The following MAGI1 variants were observed in gnomAD, a reference collection of about 807,000 sequenced individuals.
The protein encoded by MAGI1 is membrane associated guanylate kinase, WW and PDZ domain containing 1.
MAGI1 carries 58 observed loss-of-function variants against 139.9 expected under a neutral mutation model. The observed-to-expected ratio is 0.41, with a 90% confidence interval of 0.34 to 0.52. The LOEUF (loss-of-function observed/expected upper bound fraction) is 0.52. MAGI1 is among the 20% of genes least tolerant of loss of function. MAGI1 has a pLI of 0.12. For missense variants in MAGI1, 1,874 were observed against 1,901.6 expected (o/e 0.99, Z 0.27); for synonymous variants, 812 against 737.9 (o/e 1.10, Z -1.63).
chr3:65,404,964 A>G (rs1575628799), intron 12 of MAGI1, among the ~76,000 whole-genome samples: 1 of 152,314 alleles, frequency 6.6e-6, no homozygotes, highest in Admixed American at 6.5e-5. Context: ...TATAAGGCAT[A>G]CATATAAGGC....
In MAGI1 at chr3:65,709,860, A is replaced by G. The variant is rs1203288309; in HGVS notation, c.314-87772T>C. ...AACTAGCCTCTACATTAATTGAAAC[A>G]TAAACCATAACTGGTGTAAATCAAA... On this transcript the variant is annotated intron_variant, in intron 1 of 22. Coordinates refer to ENST00000402939, the MANE Select transcript of MAGI1 (RefSeq NM_001033057.2). Among the ~76,000 whole-genome samples the G allele has an allele frequency of 2.6e-5, 4 of 152,380 alleles. No individual in the cohort carries two copies. The East Asian group carries it at 7.7e-4, about 29-fold the overall frequency.
chr3:65,681,641 T>G (rs569775192), intron 1 of MAGI1, among the ~76,000 whole-genome samples: 1 of 152,344 alleles, frequency 6.6e-6, no homozygotes, highest in East Asian at 1.9e-4. Flanking sequence ...CTATTTATGT[T>G]CAAGTTTACT....
intron 1 of MAGI1, among the ~76,000 whole-genome samples, chr3:65,964,730 C>T (rs75056484): frequency 6.6e-6 from 1 of 152,152 alleles, no homozygotes; most frequent in Non-Finnish European, 1.5e-5. Flanking sequence ...ACACCTTTGT[C>T]TCCCTGACCA....
At chr3:65,868,633 C>T (rs982378325) in intron 1 of MAGI1, among the ~76,000 whole-genome samples, 2 of 152,110 alleles carry the variant, frequency 1.3e-5, no homozygotes, top group East Asian at 1.9e-4. Flanking sequence ...GGAAATCTGT[C>T]GGCATTATTC....
At chr3:65,496,907 G>T (rs1227190026) in intron 2 of MAGI1, among the ~76,000 whole-genome samples, 1 of 152,174 alleles carries the variant, frequency 6.6e-6, no homozygotes, top group East Asian at 1.9e-4. Flanking sequence ...TGATGGATTG[G>T]ATGTTGTATG....
intron 1 of MAGI1, among the ~76,000 whole-genome samples, chr3:65,855,257 C>T (rs1164292259): frequency 6.6e-6 from 1 of 151,548 alleles, no homozygotes; most frequent in South Asian, 2.1e-4. Context: ...CTTTGAGATC[C>T]GCAGAAAGAG....
chr3:65,818,466 C>T (rs909637782), intron 1 of MAGI1, among the ~76,000 whole-genome samples: 3 of 152,076 alleles, frequency 2.0e-5, no homozygotes, highest in Admixed American at 6.6e-5. Context: ...CCAACCCAGA[C>T]GTGGGAGAAA....
intron 1 of MAGI1, among the ~76,000 whole-genome samples, chr3:65,816,047 G>A (rs1040090963): frequency 3.3e-5 from 5 of 152,146 alleles, no homozygotes; most frequent in African/African-American, 1.2e-4. Context: ...TGTGAAAGTT[G>A]GCAGCTGATT....
chr3:65,714,164 C>T (rs75086609), intron 1 of MAGI1, among the ~76,000 whole-genome samples: 25 of 152,246 alleles, frequency 1.6e-4, no homozygotes, highest in Non-Finnish European at 3.1e-4. Flanking sequence ...CATACACAGA[C>T]GTTCCGTAAC....
intron 1 of MAGI1, among the ~76,000 whole-genome samples, chr3:65,907,063 A>G (rs1437351315): frequency 6.6e-6 from 1 of 152,072 alleles, no homozygotes; most frequent in African/African-American, 2.4e-5. Flanking sequence ...TACAAAAAAA[A>G]AAAAACACTC....
rs1009128554 is a variant in MAGI1, at chr3:65,430,634, C to T, written c.1546+65G>A. The T allele has an allele frequency of 2.1e-5, 32 of 1,527,490 alleles. No homozygotes were observed. In the South Asian group the frequency reaches 3.0e-4, roughly 14 times the overall value. The allele number at this position is 1,527,490 out of a possible 1,614,324, so 94.6% of individuals were successfully genotyped here. On this transcript the variant is annotated intron_variant, in intron 11 of 22. Coordinates refer to ENST00000402939, the MANE Select transcript of MAGI1 (RefSeq NM_001033057.2). ...GCTCAAACAAACAACATCATGATTGCACATGTTTATCTCCTGGATTGGAGT... is the reference window on the plus strand; with the variant it reads ...GCTCAAACAAACAACATCATGATTGTACATGTTTATCTCCTGGATTGGAGT...
At chr3:65,385,835 A>G (rs1943406927) in intron 14 of MAGI1, among the ~76,000 whole-genome samples, 2 of 152,204 alleles carry the variant, frequency 1.3e-5, no homozygotes, top group Admixed American at 6.5e-5. Flanking sequence ...CGCTAAGGTA[A>G]CAATATTTTC....
chr3:65,621,993 G>T lies in MAGI1; in HGVS notation c.409C>A (p.Leu137Ile). 2 of 1,612,988 alleles carry T rather than the reference G, an allele frequency of 1.2e-6. No homozygotes were observed. Among genetic ancestry groups the T allele is most frequent in the Admixed American group, 1.7e-5 (1 of 59,972 alleles). ...TTACAAGGCACAGCATGGCGGTAAA[G>T]GTTATCCCTTATGGTCTGCTGGAGC... is the stretch of plus-strand genomic sequence containing the variant. ...HELQQTIRDN[L>I]YRHAVPCTTR... The change falls in exon 2 of 23, where the codon CTT becomes ATT. Residue 137 changes from leucine (L) to isoleucine (I), a missense_variant. Physicochemically the swap from Leu to Ile is conservative, Grantham distance 5. Coordinates refer to ENST00000402939, the MANE Select transcript of MAGI1 (RefSeq NM_001033057.2).
intron 1 of MAGI1, among the ~76,000 whole-genome samples, chr3:65,868,069 C>G (rs1032973282): frequency 6.6e-6 from 1 of 152,178 alleles, no homozygotes; most frequent in African/African-American, 2.4e-5. Context: ...ATATGCTGTT[C>G]TGGAAAGTTG....
At chr3:65,794,073 G>C (rs1213871084) in intron 1 of MAGI1, among the ~76,000 whole-genome samples, 1 of 152,054 alleles carries the variant, frequency 6.6e-6, no homozygotes, top group Non-Finnish European at 1.5e-5. Context: ...AACACGACTC[G>C]ACCTGGACCA....
At chr3:65,463,012 T>C (rs1484749817) in intron 5 of MAGI1, among the ~76,000 whole-genome samples, 2 of 152,054 alleles carry the variant, frequency 1.3e-5, no homozygotes. Flanking sequence ...GCTTAAGGAG[T>C]TTTTAGGCTG....
intron 1 of MAGI1, among the ~76,000 whole-genome samples, chr3:65,968,588 C>A (rs2064870538): frequency 6.6e-6 from 1 of 150,824 alleles, no homozygotes. Flanking sequence ...CACACAGATT[C>A]TCTATATAAT....
At chr3:65,478,488 A>G (rs1188670155) in intron 4 of MAGI1, 104 bp downstream of exon 4, 1 of 1,157,376 alleles carries the variant, frequency 8.6e-7, no homozygotes, top group East Asian at 2.3e-5. Flanking sequence ...TGGCGACTCT[A>G]CAAAATCCCT....
In MAGI1 at chr3:65,361,302, G is replaced by A. The variant is rs144451025; in HGVS notation, c.3531C>T (p.Thr1177=). 2.5e-5 allele frequency: 41 copies of A among 1,613,858 alleles called. No individual in the cohort carries two copies. Among genetic ancestry groups the A allele is most frequent in the Admixed American group, 1.8e-4 (11 of 59,984 alleles). Residue 1177 remains threonine, a synonymous_variant, in exon 22 of 23, where the codon ACC becomes ACT. Transcript: ENST00000402939. ...GDEILEINGE[T]TKNMKHSRAI... Reference sequence around the variant, plus strand: ...CTCGAGAATGCTTCATGTTTTTGGTGGTCTCACCATTGATCTCTAAAATTT... The same window carrying A: ...CTCGAGAATGCTTCATGTTTTTGGTAGTCTCACCATTGATCTCTAAAATTT...
Sources: allele counts gnomAD v4.1 joint callset (sites outside exome capture counted in the v4.1 genomes callset), GRCh38; gene constraint gnomAD v4.1.1; transcripts MANE v1.5; gene names NCBI Gene and HGNC (gene_info 2026-07-23, HGNC 2026-07-21).